Variants in MOB4 observed in about 807,000 individuals in gnomAD.
MOB4 encodes the protein MOB-like protein phocein.
MOB4 carries 4 observed loss-of-function variants against 32.2 expected under a neutral mutation model. The ratio of observed to expected loss-of-function variants is 0.12; its 90% CI spans 0.06 to 0.28. MOB4 has a LOEUF of 0.28. Ranked by LOEUF, MOB4 falls within the 10% of genes least tolerant of loss-of-function variation. MOB4 has a pLI of 1.00. For synonymous variants in MOB4, 88 were observed against 88.1 expected, an observed-to-expected ratio of 1.00 and a Z score of 0.01; for missense variants, 158 against 271.2, an observed-to-expected ratio of 0.58 and a Z score of 2.93.
At chr2:197,539,087 G>A (rs958167421) in intron 3 of MOB4, among the ~76,000 whole-genome samples, 8 of 151,730 alleles carry the variant, frequency 5.3e-5, no homozygotes, top group African/African-American at 1.9e-4. Context: ...GATTATATAG[G>A]TGTTAGCTTT....
Position 197,552,035 on chromosome 2 carries a change from T to C in MOB4, c.*1389T>C, listed in dbSNP as rs1366530214. Reference sequence around the variant, plus strand: ...ATGAAAATGTATTCATCTTAATTGTTTTTTCAAATTTAAGGGAATAATTTA... The same window carrying C: ...ATGAAAATGTATTCATCTTAATTGTCTTTTCAAATTTAAGGGAATAATTTA... On this transcript the variant is annotated 3_prime_UTR_variant, in exon 8 of 8. Coordinates refer to ENST00000323303, the MANE Select transcript of MOB4 (RefSeq NM_015387.5). The C allele has an allele frequency of 1.3e-5, 2 of 152,292 alleles. No individual in the cohort carries two copies. The highest frequency in any genetic ancestry group is 2.4e-5 in the African/African-American group (1 of 41,430). The allele number at this position is 152,292 out of a possible 1,614,324, so 9.4% of individuals were successfully genotyped here.
Position 197,525,993 on chromosome 2 carries a change from A to G in MOB4, c.123+2307A>G, listed in dbSNP as rs1032861833. Among the ~76,000 whole-genome samples, 23 of 152,186 alleles carry G rather than the reference A, an allele frequency of 1.5e-4. 1 individual carries two copies. The highest frequency in any genetic ancestry group is 5.3e-4 in the African/African-American group (22 of 41,458). ...TTTCTACATACGAGACCCATGTCAT[A>G]TAATTTTACTTCTCCAATCTAGATC... On this transcript the variant is annotated intron_variant, in intron 2 of 7. Transcript: ENST00000323303.
At chr2:197,528,972 T>TC (rs1273721146) in intron 2 of MOB4, among the ~76,000 whole-genome samples, 4 of 151,754 alleles carry the variant, frequency 2.6e-5, no homozygotes, top group Admixed American at 2.6e-4. Flanking sequence ...GTAATTTTTT[T>TC]TTTTTTTTAG....
At chr2:197,521,351 C>T (rs563536354) in intron 1 of MOB4, among the ~76,000 whole-genome samples, 29 of 152,210 alleles carry the variant, frequency 1.9e-4, no homozygotes, top group Admixed American at 1.5e-3. Flanking sequence ...ACAAAGATCA[C>T]GTACTTCACA....
intron 1 of MOB4, among the ~76,000 whole-genome samples, chr2:197,522,851 C>A (rs1426756493): frequency 6.6e-6 from 1 of 151,668 alleles, no homozygotes; most frequent in Non-Finnish European, 1.5e-5. Context: ...CCTGTCTCTA[C>A]AAAAAATACA....
intron 5 of MOB4, among the ~76,000 whole-genome samples, chr2:197,544,573 G>A (rs575162428): frequency 7.2e-5 from 11 of 152,190 alleles, no homozygotes; most frequent in African/African-American, 2.6e-4. Context: ...CTAACACGGT[G>A]AAACCCCATC....
chr2:197,516,404 A>T, intron 1 of MOB4: 1 of 1,390,028 alleles, frequency 7.2e-7, no homozygotes, highest in African/African-American at 1.5e-5. Context: ...TGCCTGCCGA[A>T]GCCCTGGGCT....
Position 197,552,231 on chromosome 2 carries a change from A to ATT in MOB4, c.*1585_*1586insTT, listed in dbSNP as rs1188444748. ...CCCCAACCCACAACTATCTTTTAAG[A>ATT]AGTCTTAGTTCACAGTGAAAGGAAT... is the stretch of plus-strand genomic sequence containing the variant. On this transcript the variant is annotated 3_prime_UTR_variant, in exon 8 of 8. Transcript: ENST00000323303. 1 of 152,314 alleles carries ATT rather than the reference A, an allele frequency of 6.6e-6. No individual in the cohort carries two copies. The allele number at this position is 152,314 out of a possible 1,614,324, so 9.4% of individuals were successfully genotyped here. A position where few individuals can be genotyped will look rare whatever the true frequency, so the allele number is the denominator to read the frequency against.
chr2:197,548,556 A>G (rs1200991461), intron 6 of MOB4, 141 bp downstream of exon 6: 6 of 511,832 alleles, frequency 1.2e-5, no homozygotes, highest in Non-Finnish European at 1.7e-5. Context: ...GCACACCAAC[A>G]TGGCACATGT....
intron 2 of MOB4, 70 bp from the exon 3 acceptor site, chr2:197,535,460 T>A: frequency 2.1e-6 from 3 of 1,424,140 alleles, no homozygotes; most frequent in Non-Finnish European, 2.8e-6. Flanking sequence ...ATTAACAAAT[T>A]ATATGTACTT....
In MOB4 at chr2:197,551,830, C is replaced by T. The variant is rs535584825; in HGVS notation, c.*1184C>T. On this transcript the variant is annotated 3_prime_UTR_variant, in exon 8 of 8. Transcript: ENST00000323303. The stretch of plus-strand genomic sequence containing the variant: ...ATGATTGAAATGCAGATTTAACAAT[C>T]TTATAATCTATTGAATGCCATTTTT... The T allele has an allele frequency of 6.6e-6, 1 of 152,332 alleles. No individual in the cohort carries two copies. Among genetic ancestry groups the T allele is most frequent in the Admixed American group, 6.5e-5 (1 of 15,278 alleles). 9.4% of individuals were successfully genotyped at this position (152,332 alleles called of 1,614,324 possible).
intron 3 of MOB4, among the ~76,000 whole-genome samples, chr2:197,536,542 G>A (rs998702494): frequency 4.7e-5 from 7 of 148,016 alleles, no homozygotes; most frequent in South Asian, 2.2e-4. Flanking sequence ...TCTCTTAACC[G>A]CTAATATAGT....
At chr2:197,535,702 T>A in intron 3 of MOB4, 72 bp downstream of exon 3, 1 of 1,518,246 alleles carries the variant, frequency 6.6e-7, no homozygotes, top group Non-Finnish European at 8.9e-7. Flanking sequence ...TAATTATGAA[T>A]TGTAAAATTT....
chr2:197,542,550 C>A (rs2086913893), intron 5 of MOB4, among the ~76,000 whole-genome samples: 1 of 152,132 alleles, frequency 6.6e-6, no homozygotes, highest in Admixed American at 6.5e-5. Flanking sequence ...ATCATTTATT[C>A]AGTATCCTTG....
intron 5 of MOB4, among the ~76,000 whole-genome samples, chr2:197,545,599 AT>A (rs1485781084): frequency 6.6e-6 from 1 of 152,224 alleles, no homozygotes; most frequent in Admixed American, 6.5e-5. Context: ...AAAGTTTTGA[AT>A]TTTAAAAAAA....
chr2:197,547,357 T>A (rs1257957082), intron 5 of MOB4, among the ~76,000 whole-genome samples: 1 of 152,190 alleles, frequency 6.6e-6, no homozygotes, highest in Admixed American at 6.5e-5. Flanking sequence ...ATGACAAATA[T>A]GAGAAATACA....
At chr2:197,548,204 T>A in intron 5 of MOB4, 132 bp from the exon 6 acceptor site, 2 of 526,332 alleles carry the variant, frequency 3.8e-6, no homozygotes, top group Non-Finnish European at 6.2e-6. Context: ...TTTACAAGCA[T>A]TCGGAAATTG....
At chr2:197,530,625 T>G (rs1459441360) in intron 2 of MOB4, among the ~76,000 whole-genome samples, 3 of 151,974 alleles carry the variant, frequency 2.0e-5, no homozygotes, top group Non-Finnish European at 4.4e-5. Flanking sequence ...TTAGTGGTGT[T>G]TTTTTCTTTG....
At chr2:197,546,356 C>T (rs1006457954) in intron 5 of MOB4, among the ~76,000 whole-genome samples, 17 of 151,404 alleles carry the variant, frequency 1.1e-4, no homozygotes, top group African/African-American at 2.4e-4. Flanking sequence ...CCACTGCGCC[C>T]GGCCTCACGT....
Sources: gnomAD v4.1 joint callset for allele counts (sites outside exome capture counted in the v4.1 genomes callset) on GRCh38, gnomAD v4.1.1 for gene constraint, MANE v1.5 for transcripts, NCBI Gene and HGNC (gene_info 2026-07-23, HGNC 2026-07-21) for gene names.